The following PDE4D variants were observed in gnomAD, a reference collection of about 807,000 sequenced individuals.
PDE4D encodes phosphodiesterase 4D.
A neutral mutation model predicts 87.4 loss-of-function variants in PDE4D; 24 were observed. The ratio of observed to expected loss-of-function variants is 0.27; its 90% CI spans 0.20 to 0.39. The LOEUF (loss-of-function observed/expected upper bound fraction) is 0.39. Among genes scored for constraint, PDE4D ranks in the 10% least tolerant of loss-of-function variants. The pLI is 1.00. For missense variants in PDE4D, 714 were observed against 1,041.0 expected (o/e 0.69, Z 4.32); for synonymous variants, 384 against 383.2 (o/e 1.00, Z -0.02).
chr5:59,162,626 C>T (rs999152514), intron 5 of PDE4D, among the ~76,000 whole-genome samples: 1 of 151,336 alleles, frequency 6.6e-6, no homozygotes, highest in South Asian at 2.1e-4. Flanking sequence ...ATCACTTGAG[C>T]CCAGGAGTGC....
At chr5:59,763,349 A>T (rs1257538878) in intron 1 of PDE4D, among the ~76,000 whole-genome samples, 1 of 151,990 alleles carries the variant, frequency 6.6e-6, no homozygotes, top group African/African-American at 2.4e-5. Flanking sequence ...AAATAAAAAA[A>T]AATCTGAGTC....
At chr5:60,177,852 CA>C (rs1784057502) in intron 2 of PDE4D, among the ~76,000 whole-genome samples, 1 of 152,026 alleles carries the variant, frequency 6.6e-6, no homozygotes, top group Non-Finnish European at 1.5e-5. Flanking sequence ...AGCTAAGCCA[CA>C]AGATAATTTA....
In PDE4D at chr5:59,763,964, G is replaced by A. The variant is rs375934261; in HGVS notation, c.455+129204C>T. 1.8e-4 allele frequency among the ~76,000 whole-genome samples: 28 copies of A among 152,230 alleles called. No homozygotes were observed. The South Asian group carries it at 4.8e-3, about 26-fold the overall frequency. The stretch of plus-strand genomic sequence containing the variant: ...AAATCTGTTCCTTGAAGGAAGGAAC[G>A]GATTACTTCCAGTTGGGAGAACTGG... On this transcript the variant is annotated intron_variant, in intron 1 of 14. Transcript: ENST00000340635.
At position 59,803,455 on chromosome 5, in the gene PDE4D, C is replaced by G. The variant is rs1232855197; in HGVS notation, c.455+89713G>C. Among the ~76,000 whole-genome samples, 3 of 152,036 alleles carry G rather than the reference C, an allele frequency of 2.0e-5. No individual in the cohort carries two copies. The East Asian group carries it at 5.8e-4, about 29-fold the overall frequency. On this transcript the variant is annotated intron_variant, in intron 1 of 14. Coordinates refer to ENST00000340635, the MANE Select transcript of PDE4D (RefSeq NM_001104631.2). ...CTGGGATTACAGGTGCCCGCCATCACGCACAGCTAATCTTTGTATTTTTAG... is the reference window on the plus strand; with the variant it reads ...CTGGGATTACAGGTGCCCGCCATCAGGCACAGCTAATCTTTGTATTTTTAG...
intron 1 of PDE4D, among the ~76,000 whole-genome samples, chr5:59,410,279 T>C (rs931953154): frequency 1.4e-4 from 21 of 152,240 alleles, no homozygotes; most frequent in Non-Finnish European, 2.5e-4. Flanking sequence ...CTTGAGACAG[T>C]CTCACTCCAT....
At chr5:60,105,818 A>C (rs1190183966) in intron 2 of PDE4D, among the ~76,000 whole-genome samples, 2 of 152,210 alleles carry the variant, frequency 1.3e-5, no homozygotes. Context: ...ATGCTGAGAG[A>C]TTTTGTCACC....
At chr5:60,502,459 T>C (rs886803169) in intron 1 of PDE4D, among the ~76,000 whole-genome samples, 1 of 152,210 alleles carries the variant, frequency 6.6e-6, no homozygotes, top group African/African-American at 2.4e-5. Flanking sequence ...TTTGTTCTTT[T>C]GGCTTAGGAT....
chr5:59,344,740 G>A (rs956389986), intron 1 of PDE4D, among the ~76,000 whole-genome samples: 9 of 152,044 alleles, frequency 5.9e-5, no homozygotes, highest in Non-Finnish European at 1.2e-4. Flanking sequence ...TATCTGTCTG[G>A]TAATAAAGTG....
chr5:59,345,318 T>C (rs1424418816), intron 1 of PDE4D, among the ~76,000 whole-genome samples: 1 of 152,144 alleles, frequency 6.6e-6, no homozygotes, highest in East Asian at 1.9e-4. Context: ...ACGGGATATA[T>C]AGCAAGAACT....
intron 2 of PDE4D, among the ~76,000 whole-genome samples, chr5:60,136,219 C>A (rs1363843250): frequency 6.6e-6 from 1 of 152,098 alleles, no homozygotes; most frequent in Admixed American, 6.6e-5. Flanking sequence ...TCTTTCTGTA[C>A]TTGCGCTACT....
intron 2 of PDE4D, among the ~76,000 whole-genome samples, chr5:60,165,594 G>C (rs1212933258): frequency 6.6e-6 from 1 of 151,398 alleles, no homozygotes; most frequent in Non-Finnish European, 1.5e-5. Flanking sequence ...AGATCATTTG[G>C]GGTATTATGG....
intron 1 of PDE4D, among the ~76,000 whole-genome samples, chr5:60,292,544 T>G (rs1259866775): frequency 6.6e-6 from 1 of 152,246 alleles, no homozygotes; most frequent in Non-Finnish European, 1.5e-5. Context: ...GATCCTACAG[T>G]CCTTCCAAAC....
At chr5:59,964,684 G>A (rs1275716451) in intron 3 of PDE4D, among the ~76,000 whole-genome samples, 1 of 152,028 alleles carries the variant, frequency 6.6e-6, no homozygotes, top group Non-Finnish European at 1.5e-5. Flanking sequence ...TTTCCCACCT[G>A]AATTACTGCA....
At chr5:59,124,984 TC>T (rs201332167) in intron 5 of PDE4D, among the ~76,000 whole-genome samples, 12,900 of 151,540 alleles carry the variant, frequency 0.085, 595 homozygotes, top group Non-Finnish European at 0.1. Flanking sequence ...TCTTTTCTTT[TC>T]TTTTTTTTTC....
intron 1 of PDE4D, among the ~76,000 whole-genome samples, chr5:60,483,408 T>C (rs1320266059): frequency 1.3e-5 from 2 of 152,144 alleles, no homozygotes; most frequent in Non-Finnish European, 1.5e-5. Context: ...ACATAGAAAA[T>C]ATTTTGAGGA....
At position 59,624,920 on chromosome 5, in the gene PDE4D, T is replaced by C. The variant is rs528143233; in HGVS notation, c.455+268248A>G. The stretch of plus-strand genomic sequence containing the variant: ...CCTAATCTTCTCTCCTTTTCAAATA[T>C]AATGGAAACACTGCTTAAATTTATT... On this transcript the variant is annotated intron_variant, in intron 1 of 14. Coordinates refer to ENST00000340635, the MANE Select transcript of PDE4D (RefSeq NM_001104631.2). Among the ~76,000 whole-genome samples the C allele has an allele frequency of 5.9e-5, 9 of 152,324 alleles. No homozygotes were observed. The South Asian group carries it at 1.4e-3, about 25-fold the overall frequency.
At chr5:59,394,212 C>T (rs905298798) in intron 1 of PDE4D, among the ~76,000 whole-genome samples, 1 of 152,218 alleles carries the variant, frequency 6.6e-6, no homozygotes, top group Admixed American at 6.5e-5. Context: ...GTCTCATCGG[C>T]AAGCCTGCAG....
chr5:59,625,820 C>G (rs1255779897), intron 1 of PDE4D, among the ~76,000 whole-genome samples: 1 of 152,218 alleles, frequency 6.6e-6, no homozygotes, highest in Non-Finnish European at 1.5e-5. Flanking sequence ...GTGGCTCATG[C>G]CTGTAATCCC....
Position 59,396,379 on chromosome 5 carries a change from A to T in PDE4D, c.456-180411T>A, listed in dbSNP as rs1433406521. On this transcript the variant is annotated intron_variant, in intron 1 of 14. Transcript: ENST00000340635. ...GGGAAGCCCATCAGACTAACAGCAG[A>T]TCTCTCGGCAGAAACCCTACAAGCC... is the stretch of plus-strand genomic sequence containing the variant. Among the ~76,000 whole-genome samples, 3 of 97,420 alleles carry T rather than the reference A, an allele frequency of 3.1e-5. 1 individual carries two copies. Among genetic ancestry groups the T allele is most frequent in the Non-Finnish European group, 6.0e-5 (3 of 49,594 alleles). The allele number at this position is 97,420 out of a possible 152,430, so 63.9% of individuals were successfully genotyped here. A position where few individuals can be genotyped will look rare whatever the true frequency, so the allele number is the denominator to read the frequency against.
Sources: gnomAD v4.1 joint callset for allele counts (sites outside exome capture counted in the v4.1 genomes callset) on GRCh38, gnomAD v4.1.1 for gene constraint, MANE v1.5 for transcripts, NCBI Gene and HGNC (gene_info 2026-07-23, HGNC 2026-07-21) for gene names.